CR1L: variants seen among roughly 807,000 people sequenced by gnomAD.
The protein encoded by CR1L is complement C3b/C4b receptor 1 like, also known as complement component receptor 1-like protein.
CR1L carries 59 observed loss-of-function variants against 62.3 expected under a neutral mutation model. That is an observed-to-expected ratio of 0.95 (90% CI 0.77 to 1.18). The LOEUF is 1.18. Among genes scored for constraint, CR1L ranks in the 50% most tolerant of loss-of-function variants. The pLI is 0.00. For synonymous variants in CR1L, 279 were observed against 248.7 expected (o/e 1.12, Z -1.15); for missense variants, 700 against 702.8 (o/e 1.00, Z 0.04).
chr1:207,708,787 T>C, intron 10 of CR1L: 1 of 454,242 alleles, frequency 2.2e-6, no homozygotes, highest in South Asian at 1.6e-5. Flanking sequence ...ATAAAATGTG[T>C]ATAATCCTGG....
At chr1:207,692,403 G>A (rs1664010852) in intron 4 of CR1L, among the ~76,000 whole-genome samples, 1 of 152,080 alleles carries the variant, frequency 6.6e-6, no homozygotes, top group Non-Finnish European at 1.5e-5. Context: ...TTCTAGTTCT[G>A]TACCTCCTCC....
rs367948380 is a variant in CR1L at position 207,683,893 on chromosome 1, G to A, written c.399G>A (p.Ser133=). Residue 133 remains serine, a synonymous_variant, in exon 4 of 12, where the codon TCG becomes TCA. Coordinates refer to ENST00000508064, the MANE Select transcript of CR1L (RefSeq NM_175710.2). ...CTAGATACCGACTCATTGGTTCCTC[G>A]TCTGCCACATGCATCATCTCAGGCA... The part of the protein sequence containing the change: ...CPKGYRLIGS[S]SATCIISGNT... 116 of 1,612,686 alleles carry A rather than the reference G, an allele frequency of 7.2e-5. No homozygotes were observed. Among genetic ancestry groups the A allele is most frequent in the Middle Eastern group, 1.6e-4 (1 of 6,078 alleles).
chr1:207,647,700 T>TGTGCTC (rs1663151256), intron 1 of CR1L, among the ~76,000 whole-genome samples: 1 of 152,166 alleles, frequency 6.6e-6, no homozygotes, highest in Non-Finnish European at 1.5e-5. Context: ...TTTAAAGAGC[T>TGTGCTC]ATGCTCAGGA....
intron 10 of CR1L, among the ~76,000 whole-genome samples, chr1:207,715,876 G>A (rs1653986792): frequency 6.6e-6 from 1 of 151,924 alleles, no homozygotes; most frequent in Non-Finnish European, 1.5e-5. Context: ...TTTATATTTT[G>A]TAGAGATGGA....
intron 10 of CR1L, among the ~76,000 whole-genome samples, chr1:207,711,064 A>T (rs1054054415): frequency 8.5e-5 from 13 of 152,216 alleles, no homozygotes; most frequent in Middle Eastern, 3.2e-3. Context: ...ATCTCTCTCA[A>T]TTATATTGAA....
chr1:207,701,006 G>A (rs1432317656), intron 8 of CR1L, among the ~76,000 whole-genome samples: 4 of 152,102 alleles, frequency 2.6e-5, no homozygotes, highest in African/African-American at 4.8e-5. Context: ...TTTCAAAAGC[G>A]TTCAGATAGG....
chr1:207,723,559 C>G, intron 11 of CR1L, 59 bp from the exon 12 acceptor site: 2 of 1,367,784 alleles, frequency 1.5e-6, no homozygotes, highest in Non-Finnish European at 2.0e-6. Context: ...GCTGAGAAGT[C>G]CTGTTCAATC....
intron 9 of CR1L, among the ~76,000 whole-genome samples, chr1:207,704,173 T>G (rs1018557561): frequency 6.6e-6 from 1 of 152,186 alleles, no homozygotes; most frequent in Non-Finnish European, 1.5e-5. Flanking sequence ...CCGACCCTCA[T>G]GGATGACTTT....
intron 9 of CR1L, among the ~76,000 whole-genome samples, chr1:207,705,091 C>T (rs1664248157): frequency 6.6e-6 from 1 of 152,170 alleles, no homozygotes; most frequent in African/African-American, 2.4e-5. Flanking sequence ...AGTGTGGCAG[C>T]AGAACTCCAA....
Position 207,657,026 on chromosome 1 carries a change from A to T in CR1L, c.97+11696A>T, listed in dbSNP as rs1202759189. 1.1e-5 allele frequency: 6 copies of T among 556,326 alleles called. 1 individual carries two copies. The highest frequency in any genetic ancestry group is 1.9e-5 in the Non-Finnish European group (6 of 312,790). 34.5% of individuals were successfully genotyped at this position (556,326 alleles called of 1,614,324 possible). A position where few individuals can be genotyped will look rare whatever the true frequency, so the allele number is the denominator to read the frequency against. On this transcript the variant is annotated intron_variant, in intron 1 of 11. Coordinates refer to ENST00000508064, the MANE Select transcript of CR1L (RefSeq NM_175710.2). ...CATATTGAATTCACAACCAGCTTGT[A>T]GAAACCCTATATTGACAAATTCACT...
intron 1 of CR1L, among the ~76,000 whole-genome samples, chr1:207,661,453 A>G (rs1362133331): frequency 2.0e-5 from 3 of 152,118 alleles, no homozygotes; most frequent in Non-Finnish European, 4.4e-5. Context: ...TTTATCAGAG[A>G]CTAGGATTGC....
chr1:207,655,328 ATTT>A, intron 1 of CR1L: 1 of 449,582 alleles, frequency 2.2e-6, no homozygotes. Flanking sequence ...GTCCTCAAAG[ATTT>A]TTTGCCTCAG....
intron 11 of CR1L, 32 bp from the exon 12 acceptor site, chr1:207,723,586 T>C: frequency 6.6e-7 from 1 of 1,524,666 alleles, no homozygotes; most frequent in South Asian, 1.2e-5. Context: ...CATGCCAGAG[T>C]GATGTTTTTG....
intron 10 of CR1L, among the ~76,000 whole-genome samples, chr1:207,710,973 A>T (rs1210241184): frequency 2.0e-5 from 3 of 152,234 alleles, no homozygotes; most frequent in Non-Finnish European, 4.4e-5. Context: ...TCATTTTGAA[A>T]AGCAAGACCT....
In CR1L at chr1:207,652,797, G is replaced by T. The variant is rs7534213; in HGVS notation, c.97+7467G>T. On this transcript the variant is annotated intron_variant, in intron 1 of 11. Transcript: ENST00000508064. ...GCTCTAGAGATTTGCACACATTTTAGGGTACATATTCCACTATGGAGATGA... is the reference window on the plus strand; with the variant it reads ...GCTCTAGAGATTTGCACACATTTTATGGTACATATTCCACTATGGAGATGA... The T allele has an allele frequency of 0.014, 9,552 of 666,704 alleles. 668 individuals are homozygous for T. The African/African-American group carries it at 0.15, about 10-fold the overall frequency. 41.3% of individuals were successfully genotyped at this position (666,704 alleles called of 1,614,324 possible).
At chr1:207,702,200 G>T (rs1025653715) in intron 9 of CR1L, among the ~76,000 whole-genome samples, 2 of 152,108 alleles carry the variant, frequency 1.3e-5, no homozygotes, top group African/African-American at 2.4e-5. Context: ...TATCATGTCT[G>T]TGATAGTGAT....
chr1:207,673,311 T>A (rs1329506637), intron 1 of CR1L, among the ~76,000 whole-genome samples: 1 of 123,422 alleles, frequency 8.1e-6, no homozygotes, highest in Admixed American at 7.5e-5. Flanking sequence ...TATTTAGGCA[T>A]ATAATTTATA....
chr1:207,678,397 A>G (rs1209050890), intron 3 of CR1L, 100 bp downstream of exon 3: 3 of 1,050,158 alleles, frequency 2.9e-6, no homozygotes, highest in Non-Finnish European at 4.3e-6. Context: ...CTAAACTATT[A>G]CCATCTGCTC....
At chr1:207,682,073 C>T (rs574250362) in intron 3 of CR1L, among the ~76,000 whole-genome samples, 9 of 152,118 alleles carry the variant, frequency 5.9e-5, no homozygotes, top group African/African-American at 1.7e-4. Context: ...TGCAGCAAAC[C>T]GCCATGGCAC....
Sources: gnomAD v4.1 joint callset for allele counts (sites outside exome capture counted in the v4.1 genomes callset) on GRCh38, gnomAD v4.1.1 for gene constraint, MANE v1.5 for transcripts, NCBI Gene and HGNC (gene_info 2026-07-23, HGNC 2026-07-21) for gene names.